ROBO2: variants seen among roughly 807,000 people sequenced by gnomAD.
The protein encoded by ROBO2 is roundabout homolog 2.
Under a neutral mutation model 160.8 loss-of-function variants are expected in ROBO2, and 53 were observed. The ratio of observed to expected loss-of-function variants is 0.33; its 90% confidence interval spans 0.26 to 0.41. ROBO2 has a LOEUF of 0.41. ROBO2 is among the 10% of genes least tolerant of loss of function. The probability of loss-of-function intolerance (pLI) is 1.00; values close to 1 mark genes in which losing one functional copy is unlikely to be tolerated. For missense variants in ROBO2, 1,577 were observed against 1,722.4 expected (o/e 0.92, Z 1.49); for synonymous variants, 664 against 611.7 (o/e 1.09, Z -1.26).
At chr3:77,325,121 A>G (rs910981609) in intron 2 of ROBO2, among the ~76,000 whole-genome samples, 1 of 152,222 alleles carries the variant, frequency 6.6e-6, no homozygotes, top group African/African-American at 2.4e-5. Flanking sequence ...TGTGAATGCA[A>G]ACCAAAAGTC....
chr3:76,558,356 G>A (rs1176894857), intron 2 of ROBO2, among the ~76,000 whole-genome samples: 1 of 10,494 alleles, frequency 9.5e-5, no homozygotes, highest in Non-Finnish European at 8.6e-3. Flanking sequence ...AGTGTCTTAA[G>A]TTAGAAAAAA....
At chr3:76,366,368 T>C (rs930619770) in intron 2 of ROBO2, among the ~76,000 whole-genome samples, 8 of 152,012 alleles carry the variant, frequency 5.3e-5, no homozygotes, top group African/African-American at 1.9e-4. Flanking sequence ...AAGGATAAGT[T>C]TCCCAAGGTT....
intron 2 of ROBO2, among the ~76,000 whole-genome samples, chr3:77,174,046 A>G (rs2079895768): frequency 6.6e-6 from 1 of 152,128 alleles, no homozygotes; most frequent in African/African-American, 2.4e-5. Flanking sequence ...TGGAATAAAC[A>G]TAATTCTCAC....
At chr3:77,239,757 G>A (rs571910308) in intron 2 of ROBO2, among the ~76,000 whole-genome samples, 56 of 152,038 alleles carry the variant, frequency 3.7e-4, no homozygotes, top group South Asian at 2.7e-3. Flanking sequence ...TGATTGGTGC[G>A]TTTACAAACC....
At chr3:76,277,192 G>A (rs745781305) in intron 2 of ROBO2, among the ~76,000 whole-genome samples, 4 of 151,738 alleles carry the variant, frequency 2.6e-5, no homozygotes, top group Non-Finnish European at 2.9e-5. Context: ...ACATAAGCAC[G>A]TAATAGTAAA....
chr3:77,237,717 T>A (rs1408163230), intron 2 of ROBO2, among the ~76,000 whole-genome samples: 1 of 152,204 alleles, frequency 6.6e-6, no homozygotes, highest in Non-Finnish European at 1.5e-5. Flanking sequence ...TGCAGTTTTG[T>A]TGTTGTTGTT....
intron 2 of ROBO2, among the ~76,000 whole-genome samples, chr3:76,030,509 G>T (rs949653112): frequency 2.0e-5 from 3 of 152,038 alleles, no homozygotes; most frequent in African/African-American, 7.2e-5. Context: ...GGTCTAACAT[G>T]TAAGTCTTTA....
chr3:77,339,510 G>A (rs1206310238), intron 2 of ROBO2, among the ~76,000 whole-genome samples: 1 of 152,074 alleles, frequency 6.6e-6, no homozygotes, highest in Non-Finnish European at 1.5e-5. Context: ...ACTTGCATCT[G>A]TGGACAACAT....
chr3:76,434,991 G>A (rs1389402055), intron 2 of ROBO2: 8 of 1,558,466 alleles, frequency 5.1e-6, no homozygotes, highest in South Asian at 4.5e-5. Context: ...GAAGTGGAGA[G>A]TGGAAAATCA....
intron 2 of ROBO2, among the ~76,000 whole-genome samples, chr3:76,602,110 C>T (rs1387921065): frequency 1.3e-5 from 2 of 152,206 alleles, no homozygotes; most frequent in Non-Finnish European, 2.9e-5. Flanking sequence ...CCATCTGAGA[C>T]TACCTCAGCC....
At chr3:76,927,355 C>A (rs1468436422) in intron 2 of ROBO2, among the ~76,000 whole-genome samples, 1 of 152,118 alleles carries the variant, frequency 6.6e-6, no homozygotes, top group Admixed American at 6.6e-5. Context: ...TGGATTCTTC[C>A]AAACTTCTAA....
intron 2 of ROBO2, among the ~76,000 whole-genome samples, chr3:76,668,159 G>T (rs1354225204): frequency 6.6e-6 from 1 of 151,996 alleles, no homozygotes; most frequent in Non-Finnish European, 1.5e-5. Context: ...GAGTGTAGCG[G>T]CCCCATTATG....
chr3:76,219,057 T>TG (rs1480312676), intron 2 of ROBO2, among the ~76,000 whole-genome samples: 2 of 152,118 alleles, frequency 1.3e-5, no homozygotes, highest in Non-Finnish European at 2.9e-5. Flanking sequence ...AAACAAGCAA[T>TG]GGGGAAAGGA....
chr3:77,277,490 T>C (rs894416807), intron 2 of ROBO2, among the ~76,000 whole-genome samples: 6 of 151,996 alleles, frequency 3.9e-5, no homozygotes, highest in Non-Finnish European at 8.8e-5. Context: ...GTGTGTTGTT[T>C]CCCCACTATG....
At chr3:76,108,458 T>C (rs2070053050) in intron 2 of ROBO2, among the ~76,000 whole-genome samples, 1 of 152,082 alleles carries the variant, frequency 6.6e-6, no homozygotes. Context: ...GTGACTCTTA[T>C]ATTCATATCA....
At chr3:77,286,350 A>G (rs969528610) in intron 2 of ROBO2, among the ~76,000 whole-genome samples, 4 of 136,164 alleles carry the variant, frequency 2.9e-5, no homozygotes, top group African/African-American at 1.1e-4. Context: ...TCCACCTCCC[A>G]AGTTCGAACG....
rs1053379935 is a variant in ROBO2 at position 77,200,432 on chromosome 3, A to C, written c.388+102092A>C. On this transcript the variant is annotated intron_variant, in intron 2 of 25. Transcript: ENST00000461745. ...TTAAATCAATTTTAGAGCCACGAAG[A>C]AAAACACAATAAATGCAACTTTTAA... Among the ~76,000 whole-genome samples the C allele has an allele frequency of 8.6e-5, 13 of 150,912 alleles. No individual in the cohort carries two copies. The East Asian group carries it at 2.4e-3, about 27-fold the overall frequency.
At chr3:76,735,786 A>ATGGGG (rs1553886639) in intron 2 of ROBO2, among the ~76,000 whole-genome samples, 2 of 126,612 alleles carry the variant, frequency 1.6e-5, no homozygotes, top group South Asian at 2.5e-4. Flanking sequence ...GAAAAAAAAA[A>ATGGGG]GGGGAAAGGG....
chr3:75,937,705 A>AT, intron 2 of ROBO2: 1 of 639,252 alleles, frequency 1.6e-6, no homozygotes, highest in East Asian at 3.0e-5. Context: ...ATTTGTTGTA[A>AT]TTTTCCCCCA....
Sources: allele counts gnomAD v4.1 joint callset (sites outside exome capture counted in the v4.1 genomes callset), GRCh38; gene constraint gnomAD v4.1.1; transcripts MANE v1.5; gene names NCBI Gene and HGNC (gene_info 2026-07-23, HGNC 2026-07-21).